Variants in CTNNA3 observed in about 807,000 individuals in gnomAD.
The protein encoded by CTNNA3 is catenin alpha 3, also known as catenin alpha-3.
A neutral mutation model predicts 95.7 loss-of-function variants in CTNNA3; 76 were observed. That is an observed-to-expected ratio of 0.79 (90% confidence interval 0.66 to 0.96). The LOEUF is 0.96. CTNNA3 is among the 40% of genes least tolerant of loss of function. CTNNA3 has a pLI of 0.00. For synonymous variants in CTNNA3, 431 were observed against 374.4 expected (o/e 1.15, Z -1.74); for missense variants, 1,191 against 1,089.8 (o/e 1.09, Z -1.31).
In CTNNA3 at chr10:66,446,286, C is replaced by T. The variant is rs553985672; in HGVS notation, c.1532-66934G>A. 3.5e-3 allele frequency among the ~76,000 whole-genome samples: 526 copies of T among 152,100 alleles called. 2 individuals carry two copies. Among genetic ancestry groups the T allele is most frequent in the Non-Finnish European group, 4.9e-3 (335 of 67,938 alleles). ...ACCATTCCTTCTGAAACTATTCCAA[C>T]CAATAGAAAAAGAGGGAATCCTCCC... On this transcript the variant is annotated intron_variant, in intron 11 of 17. Coordinates refer to ENST00000433211, the MANE Select transcript of CTNNA3 (RefSeq NM_013266.4).
At chr10:66,028,980 A>ATT (rs1476179908) in intron 15 of CTNNA3, among the ~76,000 whole-genome samples, 37 of 152,290 alleles carry the variant, frequency 2.4e-4, no homozygotes, top group African/African-American at 8.4e-4. Flanking sequence ...GGAAGATAAA[A>ATT]TGAAGAATAG....
intron 1 of CTNNA3, among the ~76,000 whole-genome samples, chr10:67,704,599 T>G (rs1217911841): frequency 3.3e-5 from 5 of 152,192 alleles, no homozygotes; most frequent in Non-Finnish European, 7.3e-5. Context: ...ACTGGATCCC[T>G]TCCTTACACC....
intron 12 of CTNNA3, among the ~76,000 whole-genome samples, chr10:66,354,801 C>A (rs2092596341): frequency 6.6e-6 from 1 of 152,018 alleles, no homozygotes; most frequent in Non-Finnish European, 1.5e-5. Flanking sequence ...AGAATACATA[C>A]TTTGTACATC....
At chr10:66,651,219 C>T (rs888138575) in intron 9 of CTNNA3, among the ~76,000 whole-genome samples, 4 of 152,164 alleles carry the variant, frequency 2.6e-5, no homozygotes, top group African/African-American at 7.2e-5. Context: ...CATTTAAAAT[C>T]CTCTAGCTAG....
intron 17 of CTNNA3, among the ~76,000 whole-genome samples, chr10:65,963,299 A>G (rs1447735965): frequency 6.6e-6 from 1 of 152,190 alleles, no homozygotes; most frequent in Non-Finnish European, 1.5e-5. Flanking sequence ...GTACCAAGGA[A>G]AGTTGATTTC....
At chr10:67,608,465 C>G (rs183108286) in intron 2 of CTNNA3, among the ~76,000 whole-genome samples, 42 of 152,176 alleles carry the variant, frequency 2.8e-4, no homozygotes, top group African/African-American at 9.4e-4. Context: ...GTAATTAAAA[C>G]AATACACACA....
intron 13 of CTNNA3, among the ~76,000 whole-genome samples, chr10:66,237,857 T>C (rs1382542639): frequency 2.6e-5 from 4 of 152,090 alleles, no homozygotes; most frequent in African/African-American, 9.7e-5. Flanking sequence ...TATGGTACAG[T>C]GGGTTTATCA....
chr10:67,677,414 G>C (rs571834546), intron 1 of CTNNA3, among the ~76,000 whole-genome samples: 1 of 152,098 alleles, frequency 6.6e-6, no homozygotes, highest in Non-Finnish European at 1.5e-5. Flanking sequence ...AATCAAGAGT[G>C]TGTCCTGTAT....
chr10:67,338,104 T>C (rs1341304301), intron 5 of CTNNA3, among the ~76,000 whole-genome samples: 2 of 152,178 alleles, frequency 1.3e-5, no homozygotes, highest in Admixed American at 1.3e-4. Context: ...GCTATTCTTG[T>C]ACTGCTGTAA....
At chr10:67,726,281 A>ATTACATATTATTTATGATATTATC (rs1841215095) in intron 1 of CTNNA3, among the ~76,000 whole-genome samples, 1 of 92,876 alleles carries the variant, frequency 1.1e-5, no homozygotes, top group Non-Finnish European at 1.8e-5. Context: ...TATATATTAT[A>ATTACATATTATTTATGATATTATC]TTACATATTA....
At chr10:66,424,622 A>T (rs2093223592) in intron 11 of CTNNA3, among the ~76,000 whole-genome samples, 1 of 152,010 alleles carries the variant, frequency 6.6e-6, no homozygotes, top group Non-Finnish European at 1.5e-5. Context: ...ATCTAATTTA[A>T]TTGTATTGTG....
Position 66,574,204 on chromosome 10 carries a change from T to G in CTNNA3, c.1374+47488A>C, listed in dbSNP as rs191768710. 5.5e-4 allele frequency among the ~76,000 whole-genome samples: 83 copies of G among 152,128 alleles called. No homozygotes were observed. The East Asian group carries it at 9.3e-3, about 17-fold the overall frequency. ...ATGCCGTCATAATAGGGTGATAATC[T>G]GATAATCCGGGGTGCAGTGGAGGCA... is the stretch of plus-strand genomic sequence containing the variant. On this transcript the variant is annotated intron_variant, in intron 10 of 17. Transcript: ENST00000433211.
chr10:66,073,902 C>T (rs1377469651), intron 14 of CTNNA3, among the ~76,000 whole-genome samples: 1 of 151,940 alleles, frequency 6.6e-6, no homozygotes, highest in African/African-American at 2.4e-5. Flanking sequence ...CATAAATGTA[C>T]AGTTGGAACG....
chr10:66,678,855 G>A (rs902040098), intron 9 of CTNNA3, among the ~76,000 whole-genome samples: 8 of 152,132 alleles, frequency 5.3e-5, no homozygotes, highest in African/African-American at 1.7e-4. Flanking sequence ...GCACGCAAGT[G>A]TGTCAGTTTT....
At chr10:66,395,755 T>C (rs2092970716) in intron 11 of CTNNA3, among the ~76,000 whole-genome samples, 1 of 152,060 alleles carries the variant, frequency 6.6e-6, no homozygotes, top group Admixed American at 6.6e-5. Context: ...AATTGTTCTC[T>C]TAAGAGTTCT....
intron 6 of CTNNA3, among the ~76,000 whole-genome samples, chr10:67,202,694 C>T (rs1228697984): frequency 1.3e-5 from 2 of 151,966 alleles, no homozygotes; most frequent in South Asian, 2.1e-4. Context: ...CCATTTTGAA[C>T]GAAGTGCTTT....
chr10:67,442,744 G>A (rs374779188), intron 5 of CTNNA3, among the ~76,000 whole-genome samples: 2 of 151,902 alleles, frequency 1.3e-5, no homozygotes, highest in Non-Finnish European at 2.9e-5. Context: ...TAAAGAGACA[G>A]GTAGACCTCA....
intron 4 of CTNNA3, among the ~76,000 whole-genome samples, chr10:67,531,318 G>A (rs1199435461): frequency 6.6e-6 from 1 of 152,176 alleles, no homozygotes; most frequent in Non-Finnish European, 1.5e-5. Flanking sequence ...CAGCCAGGAG[G>A]AAGGCTGTAT....
intron 17 of CTNNA3, among the ~76,000 whole-genome samples, chr10:65,945,185 G>A (rs2077497890): frequency 6.6e-6 from 1 of 151,982 alleles, no homozygotes; most frequent in Non-Finnish European, 1.5e-5. Context: ...TAGTGAGAGG[G>A]AGAGAAGACA....
Sources: allele counts gnomAD v4.1 joint callset (sites outside exome capture counted in the v4.1 genomes callset), GRCh38; gene constraint gnomAD v4.1.1; transcripts MANE v1.5; gene names NCBI Gene and HGNC (gene_info 2026-07-23, HGNC 2026-07-21).